UNKL: variants seen among roughly 807,000 people sequenced by gnomAD.
The protein encoded by UNKL is putative E3 ubiquitin-protein ligase UNKL.
UNKL carries 60 observed loss-of-function variants against 78.0 expected under a neutral mutation model. The ratio of observed to expected loss-of-function variants is 0.77; its 90% CI spans 0.63 to 0.95. The LOEUF (loss-of-function observed/expected upper bound fraction) is 0.95. UNKL is among the 40% of genes least tolerant of loss of function. The pLI is 0.00. For missense variants in UNKL, 1,159 were observed against 1,045.7 expected (o/e 1.11, Z -1.49); for synonymous variants, 608 against 474.8 (o/e 1.28, Z -3.65).
intron 9 of UNKL, among the ~76,000 whole-genome samples, chr16:1,390,006 A>T (rs1159055189): frequency 6.6e-6 from 1 of 152,064 alleles, no homozygotes; most frequent in Non-Finnish European, 1.5e-5. Context: ...ATTCATTCAG[A>T]GACAGAGTCT....
At chr16:1,377,019 G>A (rs1028483586) in intron 10 of UNKL, among the ~76,000 whole-genome samples, 4 of 151,676 alleles carry the variant, frequency 2.6e-5, no homozygotes, top group Non-Finnish European at 2.9e-5. Context: ...ATCTTCCCCC[G>A]CCACACCCAG....
At chr16:1,398,503 A>G in intron 5 of UNKL, 1 of 1,264,620 alleles carries the variant, frequency 7.9e-7, no homozygotes, top group Non-Finnish European at 1.0e-6. Context: ...CATAACAACA[A>G]GGAGTGGGGC....
At chr16:1,398,679 G>GCGGGGCC in intron 5 of UNKL, 6 of 1,356,270 alleles carry the variant, frequency 4.4e-6, no homozygotes, top group Non-Finnish European at 5.7e-6. Flanking sequence ...TGTGGGGTCT[G>GCGGGGCC]CACCCCCCCA....
chr16:1,385,758 C>T (rs1158108163), intron 9 of UNKL, among the ~76,000 whole-genome samples: 1 of 152,264 alleles, frequency 6.6e-6, no homozygotes, highest in Non-Finnish European at 1.5e-5. Context: ...GCCTGCCCTT[C>T]TCCCCACACC....
Position 1,399,419 on chromosome 16 carries a change from T to C in UNKL, c.689A>G (p.His230Arg). 1 of 1,606,176 alleles carries C rather than the reference T, an allele frequency of 6.2e-7. No individual in the cohort carries two copies. Among genetic ancestry groups the C allele is most frequent in the Non-Finnish European group, 8.5e-7 (1 of 1,176,810 alleles). ...GTTGCGCCGCCTGTCCCGGCTATTG[T>C]GGTAGTGTGGGCACGCATAGCCCTG... Reference protein sequence around the residue: ...CRQGYACPHYHNSRDRRRNPR... With the variant: ...CRQGYACPHYRNSRDRRRNPR... The change falls in exon 5 of 15, where the codon CAC (histidine) becomes CGC (arginine). Residue 230 changes from histidine (H) to arginine (R), a missense_variant. Physicochemically the swap from His to Arg is conservative, Grantham distance 29. Coordinates refer to ENST00000389221, the MANE Select transcript of UNKL (RefSeq NM_001372107.1). This position sits in a 1 kb window ranked among gnomAD's most constrained non-coding sequence, Gnocchi z 5.8.
At chr16:1,398,098 C>T (rs1035396565) in intron 5 of UNKL, among the ~76,000 whole-genome samples, 10 of 152,232 alleles carry the variant, frequency 6.6e-5, no homozygotes, top group Admixed American at 2.0e-4. Flanking sequence ...GACAGTGAGG[C>T]CGGGCGCCCA....
intron 10 of UNKL, among the ~76,000 whole-genome samples, 181 bp from the exon 11 acceptor site, chr16:1,371,792 A>G (rs780323947): frequency 7.3e-4 from 111 of 152,294 alleles, no homozygotes; most frequent in Admixed American, 1.4e-3. Context: ...CCCCACAGGC[A>G]GTGTGAGGCT....
intron 5 of UNKL, chr16:1,398,873 C>G (rs370582152): frequency 6.3e-7 from 1 of 1,575,362 alleles, no homozygotes; most frequent in African/African-American, 1.3e-5. Context: ...TGTGTGCACC[C>G]TGGGCAGGGC....
chr16:1,365,726 G>C lies in UNKL; in HGVS notation c.*514C>G, dbSNP rs1596627604. On this transcript the variant is annotated 3_prime_UTR_variant, in exon 15 of 15. Coordinates refer to ENST00000389221, the MANE Select transcript of UNKL (RefSeq NM_001372107.1). ...TAATATATTTAGCATACTATGAATT[G>C]ACAATAAACTGATATGAAATATTTA... The C allele has an allele frequency of 1.3e-5, 2 of 152,632 alleles. No homozygotes were observed. Among genetic ancestry groups the C allele is most frequent in the Middle Eastern group, 6.8e-3 (2 of 294 alleles). The allele number at this position is 152,632 out of a possible 1,614,324, so 9.5% of individuals were successfully genotyped here. A position where few individuals can be genotyped will look rare whatever the true frequency, so the allele number is the denominator to read the frequency against.
rs756107808 is a variant in UNKL, at chr16:1,370,285, G to A, written c.1430C>T (p.Ser477Leu). 16 of 1,533,936 alleles carry A rather than the reference G, an allele frequency of 1.0e-5. No homozygotes were observed. The highest frequency in any genetic ancestry group is 9.5e-5 in the South Asian group (8 of 83,950). Residue 477 changes from serine to leucine, a missense_variant, in exon 12 of 15, where the codon TCG becomes TTG. Coordinates refer to ENST00000389221, the MANE Select transcript of UNKL (RefSeq NM_001372107.1). Reference protein sequence around the residue: ...GSLPRAPSLHSPSSASTSPLG... With the variant: ...GSLPRAPSLHLPSSASTSPLG... ...CGGCGAGGTGGACGCAGAGGATGGC[G>A]AGTGTAGCGATGGTGCTCTGGGCAG...
chr16:1,367,875 C>A lies in UNKL; in HGVS notation c.1586-17G>T. 6.5e-7 allele frequency: 1 copy of A among 1,543,184 alleles called. No individual in the cohort carries two copies. The highest frequency in any genetic ancestry group is 8.8e-7 in the Non-Finnish European group (1 of 1,142,810). On this transcript the variant is annotated splice_polypyrimidine_tract_variant and intron_variant, in intron 12 of 14. Coordinates refer to ENST00000389221, the MANE Select transcript of UNKL (RefSeq NM_001372107.1). ...CGTTCAAACCTGAGTGTGAAACGGT[C>A]GATGACGGCCCAGCCCTGCTGTGCT...
Position 1,403,102 on chromosome 16 carries a change from C to T in UNKL, c.464+66G>A, listed in dbSNP as rs2037602531. ...AGGGAGGCGAGCCACTTGCCGAGTTCCTGCTCATCCAGCAGAGCCCACAGC... is the reference window on the plus strand; with the variant it reads ...AGGGAGGCGAGCCACTTGCCGAGTTTCTGCTCATCCAGCAGAGCCCACAGC... On this transcript the variant is annotated intron_variant, in intron 3 of 14. Coordinates refer to ENST00000389221, the MANE Select transcript of UNKL (RefSeq NM_001372107.1). The surrounding 1 kb of genome is among the most constrained non-coding windows in gnomAD (Gnocchi z 4.8). 10 of 1,520,306 alleles carry T rather than the reference C, an allele frequency of 6.6e-6. No individual in the cohort carries two copies. The highest frequency in any genetic ancestry group is 8.8e-6 in the Non-Finnish European group (10 of 1,133,516). 94.2% of individuals were successfully genotyped at this position (1,520,306 alleles called of 1,614,324 possible). A position where few individuals can be genotyped will look rare whatever the true frequency, so the allele number is the denominator to read the frequency against.
chr16:1,371,106 T>C (rs1188593030), intron 11 of UNKL, among the ~76,000 whole-genome samples: 1 of 147,634 alleles, frequency 6.8e-6, no homozygotes, highest in East Asian at 2.0e-4. Context: ...AAAAAAAAGA[T>C]ACATTTGTAT....
chr16:1,396,743 GCCA>G (rs978571241), intron 6 of UNKL, among the ~76,000 whole-genome samples: 1 of 151,982 alleles, frequency 6.6e-6, no homozygotes, highest in Non-Finnish European at 1.5e-5. Flanking sequence ...ACAGACGCCC[GCCA>G]CCACGCCTGG....
intron 2 of UNKL, among the ~76,000 whole-genome samples, chr16:1,407,557 G>C (rs575511516): frequency 6.6e-6 from 1 of 152,000 alleles, no homozygotes; most frequent in Non-Finnish European, 1.5e-5. Flanking sequence ...TCAGCTGGGC[G>C]TGGTGGTGTG....
rs535819337 is a variant in UNKL at position 1,366,751 on chromosome 16, G to A, written c.2046+341C>T. ...GTCCAAGAGCCCACCCTTAGCAGGC[G>A]AGGTGAGGAGGGGCACGCCGAAGTG... On this transcript the variant is annotated intron_variant, in intron 14 of 14. Transcript: ENST00000389221. Among the ~76,000 whole-genome samples, 6 of 152,306 alleles carry A rather than the reference G, an allele frequency of 3.9e-5. No homozygotes were observed. In the East Asian group the frequency reaches 9.7e-4, roughly 25 times the overall value.
Position 1,367,745 on chromosome 16 carries a change from C to CGTTTGG in UNKL, c.1693_1698dup (p.Pro565_Asn566dup). 1.3e-6 allele frequency: 2 copies of CGTTTGG among 1,576,898 alleles called. No individual in the cohort carries two copies. The highest frequency in any genetic ancestry group is 2.3e-5 in the South Asian group (2 of 85,618). ...CGCCTGACCCGGGCCAGCTCAGCTC[C>CGTTTGG]GTTTGGACTTGCACTCGAAGAGGAT... On this transcript the variant is annotated inframe_insertion, in exon 13 of 15. Transcript: ENST00000389221.
At chr16:1,378,844 A>G (rs2036434923) in intron 10 of UNKL, 1 of 152,210 alleles carries the variant, frequency 6.6e-6, no homozygotes, top group Non-Finnish European at 1.5e-5. Flanking sequence ...ACTCCCAGAA[A>G]TCAAGGGGGG....
At chr16:1,398,449 C>A in intron 5 of UNKL, 1 of 1,125,892 alleles carries the variant, frequency 8.9e-7, no homozygotes, top group Non-Finnish European at 1.1e-6. Flanking sequence ...TACAGCCGTT[C>A]AGGTCCTTTA....
Sources: allele counts gnomAD v4.1 joint callset (sites outside exome capture counted in the v4.1 genomes callset), GRCh38; gene constraint gnomAD v4.1.1; non-coding constraint Gnocchi (gnomAD v3.1); transcripts MANE v1.5; gene names NCBI Gene and HGNC (gene_info 2026-07-23, HGNC 2026-07-21).